Variants in MYO18B observed in about 807,000 individuals in gnomAD.
The protein encoded by MYO18B is myosin XVIIIB, also known as unconventional myosin-XVIIIb.
Under a neutral mutation model 273.0 loss-of-function variants are expected in MYO18B, and 204 were observed. The observed-to-expected ratio is 0.75, with a 90% CI of 0.67 to 0.84. MYO18B has a LOEUF of 0.84. Ranked by LOEUF, MYO18B falls within the 40% of genes least tolerant of loss-of-function variation. The pLI is 0.00. For synonymous variants in MYO18B, 1,330 were observed against 1,305.7 expected (o/e 1.02, Z -0.40); for missense variants, 3,212 against 3,287.6 (o/e 0.98, Z 0.56).
intron 12 of MYO18B, among the ~76,000 whole-genome samples, chr22:25,823,121 G>T (rs2089345255): frequency 6.6e-6 from 1 of 152,174 alleles, no homozygotes; most frequent in Admixed American, 6.5e-5. Flanking sequence ...ATGAGGAGTT[G>T]AAAGGATAGG....
At chr22:26,057,893 G>C in the MYO18B span, among the ~76,000 whole-genome samples, 16 of 152,128 alleles carry the variant, frequency 1.1e-4, no homozygotes, top group Non-Finnish European at 1.9e-4. Context: ...ATCAGAGGGA[G>C]GGCAGATAAG....
At chr22:25,989,585 A>G (rs946989561) in intron 39 of MYO18B, among the ~76,000 whole-genome samples, 21 of 142,180 alleles carry the variant, frequency 1.5e-4, no homozygotes, top group Non-Finnish European at 2.8e-4. Context: ...AATCAAGACC[A>G]TCCTGGCTAA....
At position 25,795,005 on chromosome 22, in the gene MYO18B, A is replaced by C. The variant is rs571910633; in HGVS notation, c.2377-2948A>C. ...TTGAACTTTGCATAAACAGAAGCACATGGGATGCAGGCTTTTGTGCCTGGC... is the reference window on the plus strand; with the variant it reads ...TTGAACTTTGCATAAACAGAAGCACCTGGGATGCAGGCTTTTGTGCCTGGC... On this transcript the variant is annotated intron_variant, in intron 11 of 43. Transcript: ENST00000335473. Among the ~76,000 whole-genome samples, 5 of 152,180 alleles carry C rather than the reference A, an allele frequency of 3.3e-5. No homozygotes were observed. In the South Asian group the frequency reaches 1.0e-3, roughly 32 times the overall value.
chr22:25,870,871 A>G (rs1201996178), intron 22 of MYO18B, among the ~76,000 whole-genome samples: 1 of 152,210 alleles, frequency 6.6e-6, no homozygotes, highest in Non-Finnish European at 1.5e-5. Context: ...TAAATATGAA[A>G]ATCAGTGCCT....
intron 20 of MYO18B, among the ~76,000 whole-genome samples, chr22:25,849,564 C>T (rs2090361875): frequency 2.0e-5 from 3 of 152,100 alleles, no homozygotes; most frequent in African/African-American, 4.8e-5. Flanking sequence ...TGTGTTGTCA[C>T]CTATACTAAA....
chr22:25,972,619 G>A (rs1293620968), intron 39 of MYO18B, among the ~76,000 whole-genome samples: 2 of 152,182 alleles, frequency 1.3e-5, no homozygotes, highest in Non-Finnish European at 2.9e-5. Context: ...TATTTCATCA[G>A]CACTGAATTG....
Position 25,768,735 on chromosome 22 carries a change from C to G in MYO18B, c.819C>G (p.Pro273=), listed in dbSNP as rs750464414. Residue 273 remains proline, a synonymous_variant, in exon 4 of 44, where the codon CCC becomes CCG. Transcript: ENST00000335473. ...RQGTRPQAQG[P]GEGVRPGKAE... is the part of the protein sequence containing the mutation. ...GGACCAGGCCCCAAGCCCAAGGGCC[C>G]GGCGAGGGGGTGCGACCAGGGAAAG... is the stretch of plus-strand genomic sequence containing the variant. The G allele has an allele frequency of 6.3e-7, 1 of 1,598,142 alleles. No homozygotes were observed. The highest frequency in any genetic ancestry group is 8.5e-7 in the Non-Finnish European group (1 of 1,172,518).
chr22:25,938,773 C>A (rs1432621019), intron 34 of MYO18B, among the ~76,000 whole-genome samples: 2 of 152,024 alleles, frequency 1.3e-5, no homozygotes, highest in Non-Finnish European at 2.9e-5. Context: ...TTGGGTGGAA[C>A]CACTTTGATC....
chr22:25,921,387 A>T lies in MYO18B; in HGVS notation c.5495A>T (p.Glu1832Val). The change falls in exon 34 of 44, where the codon GAG becomes GTG. Residue 1832 changes from glutamate to valine, a missense_variant. Coordinates refer to ENST00000335473, the MANE Select transcript of MYO18B (RefSeq NM_032608.7). ...GGCAAGACATCAGTCAGCAAGGAGG[A>T]GCTGGAGAAAGTGCACAGCCAGGTG... Reference protein sequence around the residue: ...EDGKTSVSKEELEKVHSQLEQ... With the variant: ...EDGKTSVSKEVLEKVHSQLEQ... 1 of 1,601,248 alleles carries T rather than the reference A, an allele frequency of 6.2e-7. No homozygotes were observed. The highest frequency in any genetic ancestry group is 1.1e-5 in the South Asian group (1 of 88,042).
intron 42 of MYO18B, among the ~76,000 whole-genome samples, chr22:26,021,080 C>G (rs879168585): frequency 6.6e-6 from 1 of 152,148 alleles, no homozygotes; most frequent in Non-Finnish European, 1.5e-5. Flanking sequence ...TAGAGCAAGA[C>G]TCCGTCTCAA....
intron 34 of MYO18B, among the ~76,000 whole-genome samples, chr22:25,936,358 T>C (rs2092578113): frequency 6.6e-6 from 1 of 152,124 alleles, no homozygotes; most frequent in Admixed American, 6.6e-5. Context: ...TTAGGAGGAC[T>C]CTTGAACCCT....
intron 11 of MYO18B, among the ~76,000 whole-genome samples, chr22:25,794,753 C>T (rs2087834627): frequency 6.6e-6 from 1 of 152,204 alleles, no homozygotes; most frequent in South Asian, 2.1e-4. Context: ...ATCCATCCAT[C>T]TCGGCCTCCC....
intron 34 of MYO18B, among the ~76,000 whole-genome samples, chr22:25,943,776 A>G (rs938740706): frequency 2.3e-4 from 31 of 136,638 alleles, no homozygotes; most frequent in Admixed American, 6.5e-4. Flanking sequence ...CTGGAGTGCA[A>G]TGGTGCGATC....
In MYO18B at chr22:26,027,696, A is replaced by C. The variant is rs375968731; in HGVS notation, c.*12+6A>C. 2.5e-6 allele frequency: 4 copies of C among 1,592,626 alleles called. No individual in the cohort carries two copies. The African/African-American group carries it at 4.0e-5, about 16-fold the overall frequency. On this transcript the variant is annotated splice_donor_region_variant and intron_variant, in intron 43 of 43. Transcript: ENST00000335473. The surrounding 1 kb of genome is among the most constrained non-coding windows in gnomAD (Gnocchi z 4.1). ...AGAAGTAGGAACCAGTTCAGGTAAA[A>C]GCAACAGGCTGGGGCTATTCTTGGG...
At chr22:25,999,657 C>CCTCCTCCTT (rs1295407995) in intron 40 of MYO18B, among the ~76,000 whole-genome samples, 34 of 148,368 alleles carry the variant, frequency 2.3e-4, no homozygotes, top group South Asian at 8.8e-4. Context: ...TCCTTCTCCT[C>CCTCCTCCTT]CTCCTCCTTC....
At chr22:25,771,806 G>T (rs1169068810) in intron 6 of MYO18B, among the ~76,000 whole-genome samples, 1 of 152,232 alleles carries the variant, frequency 6.6e-6, no homozygotes, top group Non-Finnish European at 1.5e-5. Flanking sequence ...GTTTTAAGAA[G>T]CAGCTTCACA....
intron 39 of MYO18B, among the ~76,000 whole-genome samples, chr22:25,956,326 G>A (rs920487371): frequency 2.0e-5 from 3 of 150,792 alleles, no homozygotes; most frequent in African/African-American, 4.9e-5. Flanking sequence ...AGCGATTCTC[G>A]TGGCTCAGCT....
intron 38 of MYO18B, chr22:25,953,768 T>C (rs2092818469): frequency 6.6e-6 from 1 of 152,222 alleles, no homozygotes; most frequent in Admixed American, 6.5e-5. Context: ...AAAATGAATG[T>C]GGGAAAACTT....
intron 36 of MYO18B, among the ~76,000 whole-genome samples, chr22:25,948,428 TTCCTTCCTTCCTTCCTTCCTTCCTTCC>T (rs2092742494): frequency 2.4e-5 from 3 of 123,552 alleles, no homozygotes; most frequent in East Asian, 4.6e-4. Flanking sequence ...CCTTCCTTCC[TTCCTTCCTTCCTTCCTTCCTTCCTTCC>T]TTCCTTCTTT....
Sources: gnomAD v4.1 joint callset for allele counts (sites outside exome capture counted in the v4.1 genomes callset) on GRCh38, gnomAD v4.1.1 for gene constraint, Gnocchi (gnomAD v3.1) non-coding constraint, MANE v1.5 for transcripts, NCBI Gene and HGNC (gene_info 2026-07-23, HGNC 2026-07-21) for gene names.